Variants in ETS2 observed in about 807,000 individuals in gnomAD.
The protein encoded by ETS2 is protein C-ets-2.
A neutral mutation model predicts 54.9 loss-of-function variants in ETS2; 19 were observed. The ratio of observed to expected loss-of-function variants is 0.35; its 90% CI spans 0.24 to 0.51. ETS2 has a LOEUF of 0.51. ETS2 is among the 20% of genes least tolerant of loss of function. ETS2 has a pLI of 0.97. For missense variants in ETS2, 417 were observed against 593.0 expected, an observed-to-expected ratio of 0.70 and a Z score of 3.08; for synonymous variants, 219 against 229.3, an observed-to-expected ratio of 0.95 and a Z score of 0.41.
At chr21:38,815,981 A>G (rs1478102752) in intron 5 of ETS2, among the ~76,000 whole-genome samples, 3 of 66 alleles carry the variant, frequency 0.045, no homozygotes, top group African/African-American at 0.17. Flanking sequence ...GAAGGAAGGA[A>G]GGAAGGAAGG....
At position 38,817,152 on chromosome 21, in the gene ETS2, A is replaced by C. The variant is rs1462980602; in HGVS notation, c.589+61A>C. On this transcript the variant is annotated intron_variant, in intron 6 of 9. Coordinates refer to ENST00000360938, the MANE Select transcript of ETS2 (RefSeq NM_005239.6). ...CTTCAGTCTTCCCAGTAGACTTGGA[A>C]TCTCTCTACTGTAGGCTCCTAAGGG... 4.4e-6 allele frequency: 5 copies of C among 1,129,040 alleles called. No homozygotes were observed. In the African/African-American group the frequency reaches 7.7e-5, roughly 17 times the overall value. 69.9% of individuals were successfully genotyped at this position (1,129,040 alleles called of 1,614,324 possible).
rs1282823587 is a variant in ETS2, at chr21:38,822,659, C to G, written c.1195-15C>G. 6.2e-7 allele frequency: 1 copy of G among 1,603,044 alleles called. No homozygotes were observed. The highest frequency in any genetic ancestry group is 2.2e-5 in the East Asian group (1 of 44,804). Reference sequence around the variant, plus strand: ...CAAATTGAGTTTAACTCTTTTCCATCCATGTTCACCAAAGGTGGCCCGCCG... The same window carrying G: ...CAAATTGAGTTTAACTCTTTTCCATGCATGTTCACCAAAGGTGGCCCGCCG... On this transcript the variant is annotated splice_polypyrimidine_tract_variant and intron_variant, in intron 9 of 9. Transcript: ENST00000360938.
chr21:38,818,709 A>G, intron 7 of ETS2, 63 bp downstream of exon 7: 1 of 1,564,810 alleles, frequency 6.4e-7, no homozygotes, highest in Non-Finnish European at 8.8e-7. Context: ...CAGAGCCATA[A>G]TGAACCTCTT....
chr21:38,817,159 T>C, intron 6 of ETS2, 68 bp downstream of exon 6: 1 of 1,056,708 alleles, frequency 9.5e-7, no homozygotes. Flanking sequence ...GGAATCTCTC[T>C]ACTGTAGGCT....
chr21:38,817,035 A>G lies in ETS2; in HGVS notation c.533A>G (p.Tyr178Cys), dbSNP rs768857570. The G allele has an allele frequency of 1.7e-5, 28 of 1,612,660 alleles. No individual in the cohort carries two copies. The highest frequency in any genetic ancestry group is 2.2e-5 in the Non-Finnish European group (26 of 1,178,796). The change falls in exon 6 of 10, where the codon TAT (tyrosine) becomes TGT (cysteine). Residue 178 changes from tyrosine to cysteine, a missense_variant. Around this residue, in one of 3 missense-constraint regions of ETS2, gnomAD observed 326 missense variants for 426.1 expected, o/e 0.76. Transcript: ENST00000360938. ...KENQEKTEDQ[Y>C]EENSHLTSVP... ...AACCAAGAAAAGACAGAAGATCAAT[A>G]TGAAGAAAATTCACACCTCACCTCC...
chr21:38,818,331 T>C (rs1052523864), intron 6 of ETS2, 94 bp from the exon 7 acceptor site: 36 of 1,554,354 alleles, frequency 2.3e-5, no homozygotes, highest in Non-Finnish European at 3.2e-5. Flanking sequence ...AGGGCTGGAG[T>C]GTGCGGAGTG....
intron 2 of ETS2, among the ~76,000 whole-genome samples, chr21:38,811,283 A>G (rs1464931604): frequency 6.6e-6 from 1 of 152,236 alleles, no homozygotes; most frequent in Non-Finnish European, 1.5e-5. Flanking sequence ...GGTTTCACCA[A>G]AATTAGCTCT....
At chr21:38,822,205 G>T (rs1200885599) in intron 9 of ETS2, among the ~76,000 whole-genome samples, 1 of 152,214 alleles carries the variant, frequency 6.6e-6, no homozygotes, top group African/African-American at 2.4e-5. Flanking sequence ...GAAGCCCTTG[G>T]TCTCTGGCAC....
intron 7 of ETS2, among the ~76,000 whole-genome samples, chr21:38,818,984 G>C (rs1307094971): frequency 6.6e-6 from 1 of 152,228 alleles, no homozygotes; most frequent in Non-Finnish European, 1.5e-5. Context: ...TGGCTGGTTG[G>C]ATTTGTGTAT....
chr21:38,808,520 G>C (rs866100655), intron 1 of ETS2, among the ~76,000 whole-genome samples: 1 of 151,772 alleles, frequency 6.6e-6, no homozygotes, highest in Non-Finnish European at 1.5e-5. Flanking sequence ...TGCACTCCGA[G>C]TGTTTTAACA....
chr21:38,813,648 G>C (rs2060921940), intron 3 of ETS2, among the ~76,000 whole-genome samples: 1 of 152,218 alleles, frequency 6.6e-6, no homozygotes, highest in Non-Finnish European at 1.5e-5. Flanking sequence ...CTGTGACAGA[G>C]CTATTAGTTG....
Position 38,819,638 on chromosome 21 carries a change from A to G in ETS2, c.947A>G (p.Asp316Gly). ...GTTCCTTCCTTCGAGAGCTTCGAAGATGACTGCAGCCAGTCTCTCTGCCTC... is the reference window on the plus strand; with the variant it reads ...GTTCCTTCCTTCGAGAGCTTCGAAGGTGACTGCAGCCAGTCTCTCTGCCTC... ...QRVPSFESFE[D>G]DCSQSLCLNK... Residue 316 changes from aspartate (D) to glycine (G), a missense_variant, in exon 8 of 10, where the codon GAT (aspartate) becomes GGT (glycine). Around this residue, in one of 3 missense-constraint regions of ETS2, gnomAD observed 326 missense variants for 426.1 expected, o/e 0.76. Coordinates refer to ENST00000360938, the MANE Select transcript of ETS2 (RefSeq NM_005239.6). The G allele has an allele frequency of 6.2e-7, 1 of 1,614,216 alleles. No homozygotes were observed. The highest frequency in any genetic ancestry group is 8.5e-7 in the Non-Finnish European group (1 of 1,180,034).
chr21:38,815,922 T>G, intron 5 of ETS2, among the ~76,000 whole-genome samples: 1 of 121,460 alleles, frequency 8.2e-6, no homozygotes, highest in African/African-American at 3.2e-5. Flanking sequence ...CCTGTGGGAG[T>G]GAGACTCTGT....
rs2060890309 is a variant in ETS2 at position 38,805,929 on chromosome 21, G to A, written c.-192G>A. 2.4e-6 allele frequency: 3 copies of A among 1,257,096 alleles called. No individual in the cohort carries two copies. Among genetic ancestry groups the A allele is most frequent in the African/African-American group, 1.6e-5 (1 of 62,910 alleles). 77.9% of individuals were successfully genotyped at this position (1,257,096 alleles called of 1,614,324 possible). ...GAGCGCGCCGCGTGGGGGACGGCCC[G>A]GTTACTTCCTCCAGAGACTGACGAG... On this transcript the variant is annotated 5_prime_UTR_variant, in exon 1 of 10. Transcript: ENST00000360938. This position sits in a 1 kb window ranked among gnomAD's most constrained non-coding sequence, Gnocchi z 5.2.
chr21:38,806,041 C>T lies in ETS2; in HGVS notation c.-80C>T. ...CGTCTCTGGCCGGCGCCCTCGCCCT[C>T]GCCCGGCGCGCACCGAGCAGCCGCG... On this transcript the variant is annotated 5_prime_UTR_variant, in exon 1 of 10. Transcript: ENST00000360938. This position sits in a 1 kb window ranked among gnomAD's most constrained non-coding sequence, Gnocchi z 4.3. 1 of 1,215,890 alleles carries T rather than the reference C, an allele frequency of 8.2e-7. No homozygotes were observed. Among genetic ancestry groups the T allele is most frequent in the Non-Finnish European group, 1.0e-6 (1 of 957,056 alleles). The allele number at this position is 1,215,890 out of a possible 1,614,324, so 75.3% of individuals were successfully genotyped here. A position where few individuals can be genotyped will look rare whatever the true frequency, so the allele number is the denominator to read the frequency against.
chr21:38,819,891 T>C, intron 8 of ETS2, 125 bp downstream of exon 8: 6 of 914,672 alleles, frequency 6.6e-6, no homozygotes, highest in Non-Finnish European at 9.7e-6. Context: ...TGCTCTACAC[T>C]CCATGTTTTA....
Position 38,821,965 on chromosome 21 carries a change from C to T in ETS2, c.1194+261C>T, listed in dbSNP as rs189931170. Among the ~76,000 whole-genome samples, 1 of 152,274 alleles carries T rather than the reference C, an allele frequency of 6.6e-6. No homozygotes were observed. Among genetic ancestry groups the T allele is most frequent in the East Asian group, 1.9e-4 (1 of 5,182 alleles). On this transcript the variant is annotated intron_variant, in intron 9 of 9. Transcript: ENST00000360938. The surrounding 1 kb of genome is among the most constrained non-coding windows in gnomAD (Gnocchi z 4.2). ...TGATCAGTTGTCTGATCAAGAGGCC[C>T]AAGCTGCAAACTGAGGTTCTCTGCT...
At chr21:38,811,717 T>C (rs1051162191) in intron 2 of ETS2, among the ~76,000 whole-genome samples, 6 of 152,258 alleles carry the variant, frequency 3.9e-5, no homozygotes, top group Non-Finnish European at 7.3e-5. Context: ...GAAATCGAGT[T>C]AGTGTAAGGT....
At chr21:38,811,113 A>G (rs2060912269) in intron 2 of ETS2, among the ~76,000 whole-genome samples, 1 of 152,224 alleles carries the variant, frequency 6.6e-6, no homozygotes, top group South Asian at 2.1e-4. Flanking sequence ...TCTGAAAAGA[A>G]GCAGTCGTTG....
Sources: allele counts gnomAD v4.1 joint callset (sites outside exome capture counted in the v4.1 genomes callset), GRCh38; gene constraint gnomAD v4.1.1; regional missense constraint gnomAD v4.1.1; non-coding constraint Gnocchi (gnomAD v3.1); transcripts MANE v1.5; gene names NCBI Gene and HGNC (gene_info 2026-07-23, HGNC 2026-07-21).